Variants in ENTREP2 observed in about 807,000 individuals in gnomAD.
ENTREP2 encodes endosomal transmembrane epsin interactor 2, also known as protein ENTREP2.
chr15:29,617,230 T>C, the ENTREP2 span, among the ~76,000 whole-genome samples: 6 of 152,008 alleles, frequency 3.9e-5, no homozygotes, highest in Non-Finnish European at 8.8e-5. Context: ...CTGGGGAGCT[T>C]ATGGTGTAAG....
chr15:29,370,184 A>G, the ENTREP2 span, among the ~76,000 whole-genome samples: 17 of 152,252 alleles, frequency 1.1e-4, no homozygotes, highest in Non-Finnish European at 2.5e-4. Context: ...TCTCCAATTA[A>G]AAGGCAGAAA....
the ENTREP2 span, among the ~76,000 whole-genome samples, chr15:29,633,889 G>A: frequency 6.6e-6 from 1 of 152,276 alleles, no homozygotes; most frequent in South Asian, 2.1e-4. Flanking sequence ...AACCCGGGAG[G>A]CGAAGGTTGC....
chr15:29,454,140 T>G, the ENTREP2 span, among the ~76,000 whole-genome samples: 1 of 152,190 alleles, frequency 6.6e-6, no homozygotes, highest in South Asian at 2.1e-4. Context: ...ACTGCACCAG[T>G]TTGGTGGACC....
the ENTREP2 span, among the ~76,000 whole-genome samples, chr15:29,575,190 A>T: frequency 6.6e-6 from 1 of 152,076 alleles, no homozygotes; most frequent in South Asian, 2.1e-4. Flanking sequence ...AATAAGTCAA[A>T]CTTCCCTCTT....
the ENTREP2 span, among the ~76,000 whole-genome samples, chr15:29,587,820 G>A: frequency 6.6e-6 from 1 of 151,960 alleles, no homozygotes; most frequent in Admixed American, 6.6e-5. Flanking sequence ...CACCATGCCT[G>A]GTTAATTTTT....
At chr15:29,241,228 C>T in the ENTREP2 span, among the ~76,000 whole-genome samples, 2 of 152,068 alleles carry the variant, frequency 1.3e-5, no homozygotes, top group African/African-American at 4.8e-5. Flanking sequence ...ATGGGCTAAC[C>T]GCTTCTCAGC....
chr15:29,184,255 G>A, the ENTREP2 span, among the ~76,000 whole-genome samples: 2 of 152,224 alleles, frequency 1.3e-5, no homozygotes, highest in African/African-American at 4.8e-5. Flanking sequence ...AAAGTGCTGG[G>A]ATTACAGGTG....
At chr15:29,446,235 G>A in the ENTREP2 span, among the ~76,000 whole-genome samples, 11 of 152,248 alleles carry the variant, frequency 7.2e-5, no homozygotes, top group East Asian at 1.7e-3. Flanking sequence ...TTAAGCTACC[G>A]ACTCTAAGGC....
At chr15:29,596,470 G>C in the ENTREP2 span, among the ~76,000 whole-genome samples, 1 of 152,062 alleles carries the variant, frequency 6.6e-6, no homozygotes, top group Non-Finnish European at 1.5e-5. Context: ...TATCCCTAGG[G>C]GGCACAACTT....
chr15:29,343,027 T>TCGGG, the ENTREP2 span, among the ~76,000 whole-genome samples: 6 of 130,886 alleles, frequency 4.6e-5, no homozygotes, highest in Non-Finnish European at 9.9e-5. Flanking sequence ...TAAAAAGGAA[T>TCGGG]GGGGGGGGTG....
At chr15:29,569,916 T>A in the ENTREP2 span, 1 of 151,688 alleles carries the variant, frequency 6.6e-6, no homozygotes, top group Non-Finnish European at 1.5e-5. Flanking sequence ...ACCACGCCGT[T>A]CTGGGCGGAC....
At chr15:29,380,190 A>G in the ENTREP2 span, among the ~76,000 whole-genome samples, 1 of 152,136 alleles carries the variant, frequency 6.6e-6, no homozygotes, top group East Asian at 1.9e-4. Context: ...GTATGTTTGA[A>G]AAGTTCTAAA....
chr15:29,613,420 TC>T, the ENTREP2 span: 1 of 463,448 alleles, frequency 2.2e-6, no homozygotes, highest in Non-Finnish European at 4.3e-6. Context: ...CTTCAGGGCT[TC>T]CAGCTGACCC....
chr15:29,310,224 C>A, the ENTREP2 span, among the ~76,000 whole-genome samples: 1 of 152,210 alleles, frequency 6.6e-6, no homozygotes, highest in Admixed American at 6.5e-5. Context: ...CAGACAGAAG[C>A]TGAGAATTCG....
chr15:29,304,639 C>G, the ENTREP2 span, among the ~76,000 whole-genome samples: 1 of 152,192 alleles, frequency 6.6e-6, no homozygotes, highest in Non-Finnish European at 1.5e-5. Flanking sequence ...ATGACACTCT[C>G]TGCTTAACAC....
the ENTREP2 span, among the ~76,000 whole-genome samples, chr15:29,127,648 T>C: frequency 3.3e-5 from 5 of 152,170 alleles, no homozygotes; most frequent in Non-Finnish European, 7.3e-5. Context: ...GCCTCGGTGC[T>C]GGAAGCTCTG....
the ENTREP2 span, among the ~76,000 whole-genome samples, chr15:29,545,901 A>G: frequency 6.6e-6 from 1 of 152,244 alleles, no homozygotes; most frequent in Non-Finnish European, 1.5e-5. Flanking sequence ...GTCATTGACT[A>G]TGCTTAGCTG....
At chr15:29,263,693 C>CT in the ENTREP2 span, among the ~76,000 whole-genome samples, 1 of 152,198 alleles carries the variant, frequency 6.6e-6, no homozygotes, top group African/African-American at 2.4e-5. Flanking sequence ...GTGTAGATGA[C>CT]TGATAGATAA....
chr15:29,133,197 TA>T, the ENTREP2 span, among the ~76,000 whole-genome samples: 1 of 151,090 alleles, frequency 6.6e-6, no homozygotes, highest in African/African-American at 2.4e-5. Context: ...ATCTGCCTGG[TA>T]ACCTCCTCAA....
Sources: gnomAD v4.1 joint callset for allele counts (sites outside exome capture counted in the v4.1 genomes callset) on GRCh38, gnomAD v4.1.1 for gene constraint, MANE v1.5 for transcripts, NCBI Gene and HGNC (gene_info 2026-07-23, HGNC 2026-07-21) for gene names.